NTN4: variants seen among roughly 807,000 people sequenced by gnomAD.
The protein encoded by NTN4 is netrin-4.
NTN4 carries 32 observed loss-of-function variants against 73.6 expected under a neutral mutation model. The ratio of observed to expected loss-of-function variants is 0.44; its 90% CI spans 0.33 to 0.58. NTN4 has a LOEUF of 0.58. Among genes scored for constraint, NTN4 ranks in the 20% least tolerant of loss-of-function variants. NTN4 has a pLI of 0.04. For missense variants in NTN4, 654 were observed against 798.3 expected (o/e 0.82, Z 2.18); for synonymous variants, 258 against 287.5 (o/e 0.90, Z 1.04).
intron 2 of NTN4, among the ~76,000 whole-genome samples, chr12:95,755,353 G>A (rs144466986): frequency 6.6e-6 from 1 of 152,322 alleles, no homozygotes; most frequent in African/African-American, 2.4e-5. Flanking sequence ...AGTATGTGAA[G>A]TTTCCAGGGT....
chr12:95,702,842 G>GTTTTTTTTTTTTTTTTGTT (rs36062868), intron 5 of NTN4, among the ~76,000 whole-genome samples: 2 of 125,578 alleles, frequency 1.6e-5, no homozygotes, highest in South Asian at 2.5e-4. Context: ...GTTTTCAATG[G>GTTTTTTTTTTTTTTTTGTT]TTTTTTTTTT....
At chr12:95,779,156 T>C (rs1164610785) in intron 2 of NTN4, among the ~76,000 whole-genome samples, 1 of 152,134 alleles carries the variant, frequency 6.6e-6, no homozygotes, top group African/African-American at 2.4e-5. Context: ...ATGGGACGTA[T>C]CTCAAAATAA....
chr12:95,723,825 T>A (rs1019066010), intron 3 of NTN4, among the ~76,000 whole-genome samples: 8 of 152,178 alleles, frequency 5.3e-5, no homozygotes, highest in African/African-American at 1.7e-4. Flanking sequence ...TTCAGCATTC[T>A]TTATTTGCCT....
At chr12:95,755,844 G>A (rs2078944215) in intron 2 of NTN4, among the ~76,000 whole-genome samples, 1 of 152,124 alleles carries the variant, frequency 6.6e-6, no homozygotes, top group Non-Finnish European at 1.5e-5. Context: ...CTGTAACTGA[G>A]GAATGAGAAA....
At chr12:95,780,512 AAAG>A (rs1443818980) in intron 2 of NTN4, among the ~76,000 whole-genome samples, 1 of 152,234 alleles carries the variant, frequency 6.6e-6, no homozygotes, top group African/African-American at 2.4e-5. Flanking sequence ...ACACTTCTCA[AAAG>A]AAGACATTTA....
chr12:95,738,607 G>A (rs747509493), intron 2 of NTN4, among the ~76,000 whole-genome samples: 4 of 152,192 alleles, frequency 2.6e-5, no homozygotes, highest in Non-Finnish European at 4.4e-5. Flanking sequence ...TCACAGTAGA[G>A]TTATGCTGAC....
intron 7 of NTN4, among the ~76,000 whole-genome samples, chr12:95,674,328 C>A (rs2078257081): frequency 6.6e-6 from 1 of 152,208 alleles, no homozygotes; most frequent in Non-Finnish European, 1.5e-5. Context: ...AACCCTTCAG[C>A]CTAGAAGAGC....
chr12:95,689,354 C>T (rs1448709818), intron 5 of NTN4, among the ~76,000 whole-genome samples: 1 of 152,122 alleles, frequency 6.6e-6, no homozygotes, highest in African/African-American at 2.4e-5. Context: ...CCAGTCCTTC[C>T]TCTCATTATT....
At chr12:95,681,279 G>A (rs1221146007) in intron 7 of NTN4, among the ~76,000 whole-genome samples, 3 of 151,852 alleles carry the variant, frequency 2.0e-5, no homozygotes, top group Non-Finnish European at 2.9e-5. Context: ...CATGGAAGTG[G>A]ATGATCAACA....
chr12:95,692,624 C>T (rs765653392), intron 5 of NTN4, among the ~76,000 whole-genome samples: 1 of 152,106 alleles, frequency 6.6e-6, no homozygotes, highest in Non-Finnish European at 1.5e-5. Flanking sequence ...GTTAATGAAA[C>T]GATGGATGGG....
chr12:95,715,043 C>T (rs2078595446), intron 3 of NTN4, among the ~76,000 whole-genome samples: 1 of 152,040 alleles, frequency 6.6e-6, no homozygotes, highest in Non-Finnish European at 1.5e-5. Flanking sequence ...TTAATACTTT[C>T]CTACCACTGG....
intron 2 of NTN4, among the ~76,000 whole-genome samples, chr12:95,777,752 A>C (rs1006728534): frequency 6.6e-6 from 1 of 152,198 alleles, no homozygotes; most frequent in Non-Finnish European, 1.5e-5. Context: ...CATTAGACAG[A>C]TCAACCAGAC....
intron 2 of NTN4, among the ~76,000 whole-genome samples, chr12:95,739,235 C>T (rs908127308): frequency 1.3e-5 from 2 of 152,144 alleles, no homozygotes; most frequent in Non-Finnish European, 2.9e-5. Flanking sequence ...TTCCTTATGT[C>T]GGGTCTAAAT....
At chr12:95,752,481 C>G (rs28884799) in intron 2 of NTN4, among the ~76,000 whole-genome samples, 1 of 146,766 alleles carries the variant, frequency 6.8e-6, no homozygotes, top group East Asian at 2.0e-4. Context: ...TTGGACTGAC[C>G]CTGACACCCA....
At chr12:95,693,688 G>A (rs890303349) in intron 5 of NTN4, among the ~76,000 whole-genome samples, 3 of 145,784 alleles carry the variant, frequency 2.1e-5, no homozygotes, top group Non-Finnish European at 3.0e-5. Flanking sequence ...CCGAGATCAC[G>A]CCACTGCACT....
chr12:95,761,326 C>CT (rs397969115), intron 2 of NTN4, among the ~76,000 whole-genome samples: 7,169 of 133,118 alleles, frequency 0.054, 276 homozygotes, highest in Non-Finnish European at 0.076. Flanking sequence ...AAGAGATATT[C>CT]TTTTTTTTTT....
rs116897155 is a variant in NTN4, at chr12:95,765,434, C to T, written c.585+21505G>A. Among the ~76,000 whole-genome samples, 621 of 152,218 alleles carry T rather than the reference C, an allele frequency of 4.1e-3. 5 individuals are homozygous for T. The highest frequency in any genetic ancestry group is 6.6e-3 in the Non-Finnish European group (449 of 68,026). On this transcript the variant is annotated intron_variant, in intron 2 of 9. Transcript: ENST00000343702. ...TGCCAAGACTGATGTTGTCCTCTAA[C>T]TCAATGTCTGTCCAAAAGCACTAAG... is the stretch of plus-strand genomic sequence containing the variant.
intron 3 of NTN4, among the ~76,000 whole-genome samples, chr12:95,731,877 G>A (rs757993848): frequency 1.3e-5 from 2 of 152,022 alleles, no homozygotes; most frequent in Non-Finnish European, 2.9e-5. Flanking sequence ...TTCAAGTCTC[G>A]GTTTCGCATC....
At chr12:95,687,388 T>TTTTTTTTG (rs796314355) in intron 5 of NTN4, among the ~76,000 whole-genome samples, 12 of 147,208 alleles carry the variant, frequency 8.2e-5, no homozygotes, top group African/African-American at 2.5e-4. Context: ...AAAAAAATTT[T>TTTTTTTTG]TTTTTTTGTT....
Sources: allele counts gnomAD v4.1 joint callset (sites outside exome capture counted in the v4.1 genomes callset), GRCh38; gene constraint gnomAD v4.1.1; transcripts MANE v1.5; gene names NCBI Gene and HGNC (gene_info 2026-07-23, HGNC 2026-07-21).